The following NIT2 variants were observed in gnomAD, a reference collection of about 807,000 sequenced individuals.
NIT2 encodes the protein omega-amidase NIT2.
In NIT2, 46 loss-of-function variants were observed where a neutral mutation model predicts 42.7. The observed-to-expected ratio is 1.08, with a 90% CI of 0.85 to 1.38. The LOEUF (loss-of-function observed/expected upper bound fraction) is 1.38, where lower values mean the gene tolerates loss of function less well. Among genes scored for constraint, NIT2 ranks in the 40% most tolerant of loss-of-function variants. NIT2 has a pLI of 0.00. For missense variants in NIT2, 309 were observed against 342.5 expected, an observed-to-expected ratio of 0.90 and a Z score of 0.77; for synonymous variants, 123 against 121.9, an observed-to-expected ratio of 1.01 and a Z score of -0.06.
At chr3:100,336,907 T>C (rs1706082312) in intron 1 of NIT2, among the ~76,000 whole-genome samples, 1 of 152,184 alleles carries the variant, frequency 6.6e-6, no homozygotes, top group Non-Finnish European at 1.5e-5. Flanking sequence ...GTCAGGTCTT[T>C]CCCTTCCCAC....
Position 100,355,203 on chromosome 3 carries a change from C to T in NIT2, c.766C>T (p.Gln256Ter). ...CCTGAAGAAGCTGGCTGAAATACGC[C>T]AGCAAATCCCCGTTTTTAGACAGAA... is the stretch of plus-strand genomic sequence containing the variant. The part of the protein sequence containing the change: ...IDLKKLAEIR[Q>*]QIPVFRQKRS... Residue 256 changes from glutamine to a stop codon, truncating the protein, a stop_gained, in exon 10 of 10, where the codon CAG becomes TAG. Coordinates refer to ENST00000394140, the MANE Select transcript of NIT2 (RefSeq NM_020202.5). LOFTEE classifies it high-confidence loss of function. The T allele has an allele frequency of 1.2e-6, 2 of 1,614,030 alleles. No individual in the cohort carries two copies. Among genetic ancestry groups the T allele is most frequent in the Non-Finnish European group, 8.5e-7 (1 of 1,180,000 alleles).
intron 1 of NIT2, among the ~76,000 whole-genome samples, chr3:100,335,996 ATC>A (rs1483529585): frequency 6.6e-6 from 1 of 152,224 alleles, no homozygotes; most frequent in Non-Finnish European, 1.5e-5. Flanking sequence ...AGCTCAAAAT[ATC>A]TGTTTGCCCC....
rs552315902 is a variant in NIT2, at chr3:100,352,084, G to A, written c.585-320G>A. ...GATACCATCTCACACCAGTTAGAAT[G>A]GCAATCATTAAAAAGTCAGGAAACA... On this transcript the variant is annotated intron_variant, in intron 7 of 9. Coordinates refer to ENST00000394140, the MANE Select transcript of NIT2 (RefSeq NM_020202.5). 1.2e-3 allele frequency among the ~76,000 whole-genome samples: 183 copies of A among 152,298 alleles called. 1 individual carries two copies. Among genetic ancestry groups the A allele is most frequent in the African/African-American group, 4.3e-3 (177 of 41,570 alleles).
chr3:100,350,823 A>G (rs1337138341), intron 7 of NIT2, among the ~76,000 whole-genome samples: 1 of 152,166 alleles, frequency 6.6e-6, no homozygotes, highest in African/African-American at 2.4e-5. Context: ...GTCATTTAGC[A>G]TTAGGTATAT....
chr3:100,340,709 G>T (rs1245957634), intron 3 of NIT2, among the ~76,000 whole-genome samples: 1 of 152,104 alleles, frequency 6.6e-6, no homozygotes, highest in Non-Finnish European at 1.5e-5. Context: ...TTCTCATTTT[G>T]CCCTAATGTT....
Position 100,359,313 on chromosome 3 carries a change from T to C in NIT2, c.*4045T>C, listed in dbSNP as rs1244578727. On this transcript the variant is annotated 3_prime_UTR_variant, in exon 10 of 10. Coordinates refer to ENST00000394140, the MANE Select transcript of NIT2 (RefSeq NM_020202.5). ...CATCCTAGCTCTTCCTGAAGCATATTGAATCCTCCAAGTATATCCCGTTGT... is the reference window on the plus strand; with the variant it reads ...CATCCTAGCTCTTCCTGAAGCATATCGAATCCTCCAAGTATATCCCGTTGT... The C allele has an allele frequency of 6.6e-6, 1 of 152,212 alleles. No homozygotes were observed. Among genetic ancestry groups the C allele is most frequent in the Non-Finnish European group, 1.5e-5 (1 of 68,044 alleles). The allele number at this position is 152,212 out of a possible 1,614,324, so 9.4% of individuals were successfully genotyped here. A position where few individuals can be genotyped will look rare whatever the true frequency, so the allele number is the denominator to read the frequency against.
chr3:100,352,360 A>G (rs1706283251), intron 7 of NIT2, 44 bp from the exon 8 acceptor site: 2 of 1,480,708 alleles, frequency 1.4e-6, no homozygotes, highest in East Asian at 4.6e-5. Context: ...AAAATGTCAG[A>G]TTTATAATGT....
rs1159719118 is a variant in NIT2, at chr3:100,358,242, G to A, written c.*2974G>A. 1.3e-5 allele frequency: 2 copies of A among 152,094 alleles called. No homozygotes were observed. The highest frequency in any genetic ancestry group is 2.4e-5 in the African/African-American group (1 of 41,380). The allele number at this position is 152,094 out of a possible 1,614,324, so 9.4% of individuals were successfully genotyped here. On this transcript the variant is annotated 3_prime_UTR_variant, in exon 10 of 10. Coordinates refer to ENST00000394140, the MANE Select transcript of NIT2 (RefSeq NM_020202.5). ...AGCATTTTATTCTCAGAAAATGTGT[G>A]GTAACCTGGCCCTGGATTTTACCTT...
intron 8 of NIT2, 33 bp downstream of exon 8, chr3:100,352,535 G>GGAGCTT (rs778763385): frequency 1.3e-6 from 2 of 1,552,962 alleles, no homozygotes; most frequent in African/African-American, 1.4e-5. Flanking sequence ...AGGCTCAGTC[G>GGAGCTT]GAGCTTGAGC....
rs369507560 is a variant in NIT2, at chr3:100,352,380, C to G, written c.585-24C>G. 4.5e-6 allele frequency: 7 copies of G among 1,559,928 alleles called. No individual in the cohort carries two copies. In the Admixed American group the frequency reaches 1.0e-4, roughly 22 times the overall value. On this transcript the variant is annotated intron_variant, in intron 7 of 9. Coordinates refer to ENST00000394140, the MANE Select transcript of NIT2 (RefSeq NM_020202.5). ...GTCAGATTTATAATGTACGATTTAC[C>G]TCTTTCCTGTCTATTGACTACAGGG... is the stretch of plus-strand genomic sequence containing the variant.
At chr3:100,349,107 AC>A (rs1706247196) in intron 7 of NIT2, 12 of 316,756 alleles carry the variant, frequency 3.8e-5, no homozygotes, top group South Asian at 2.5e-4. Context: ...TGGAAACTGT[AC>A]TTTTTTTTTT....
chr3:100,345,522 T>A, intron 4 of NIT2, 63 bp from the exon 5 acceptor site: 3 of 1,109,700 alleles, frequency 2.7e-6, no homozygotes, highest in Non-Finnish European at 4.1e-6. Flanking sequence ...GGGAAAGATA[T>A]TGTCATTACT....
chr3:100,335,094 CA>C, intron 1 of NIT2: 1 of 460,194 alleles, frequency 2.2e-6, no homozygotes, highest in Non-Finnish European at 4.1e-6. Context: ...TGTATTTCTC[CA>C]CGGTGTGGGC....
chr3:100,352,534 C>A lies in NIT2; in HGVS notation c.683+32C>A. On this transcript the variant is annotated intron_variant, in intron 8 of 9. Coordinates refer to ENST00000394140, the MANE Select transcript of NIT2 (RefSeq NM_020202.5). ...AAGGCTAAGTGAGAATAGGCTCAGT[C>A]GGAGCTTGAGCTTGAGTGGTGGCTC... 3 of 1,564,346 alleles carry A rather than the reference C, an allele frequency of 1.9e-6. No homozygotes were observed. The South Asian group carries it at 3.3e-5, about 17-fold the overall frequency.
chr3:100,337,463 A>T lies in NIT2; in HGVS notation c.8-1624A>T, dbSNP rs571723117. On this transcript the variant is annotated intron_variant, in intron 1 of 9. Coordinates refer to ENST00000394140, the MANE Select transcript of NIT2 (RefSeq NM_020202.5). ...AGGAAAATTATTTATTTATTTATTT[A>T]TTTTTTTGGAGACTGAGTCTCACTC... Among the ~76,000 whole-genome samples the T allele has an allele frequency of 4.2e-4, 64 of 152,022 alleles. No individual in the cohort carries two copies. In the East Asian group the frequency reaches 5.8e-3, roughly 14 times the overall value.
Position 100,346,242 on chromosome 3 carries a change from C to T in NIT2, c.492C>T (p.Ile164=), listed in dbSNP as rs770433138. The change falls in exon 6 of 10, where the codon ATC becomes ATT. Residue 164 remains isoleucine (I), a synonymous_variant. Transcript: ENST00000394140. Reference sequence around the variant, plus strand: ...TGCGGTTTGCAGAGCTTGCACAAATCTACGCACAGAGAGGTGAGGCAGTGT... The same window carrying T: ...TGCGGTTTGCAGAGCTTGCACAAATTTACGCACAGAGAGGTGAGGCAGTGT... The part of the protein sequence containing the change: ...YDMRFAELAQ[I]YAQRGCQLLV... 3 of 1,614,060 alleles carry T rather than the reference C, an allele frequency of 1.9e-6. No homozygotes were observed. The highest frequency in any genetic ancestry group is 1.7e-6 in the Non-Finnish European group (2 of 1,179,938).
intron 2 of NIT2, 145 bp downstream of exon 2, chr3:100,339,350 A>T (rs1379619432): frequency 1.5e-6 from 1 of 678,906 alleles, no homozygotes; most frequent in Non-Finnish European, 2.7e-6. Flanking sequence ...CTGGAGGATG[A>T]CCTTAGCAAG....
intron 4 of NIT2, among the ~76,000 whole-genome samples, chr3:100,342,512 A>G (rs1301898201): frequency 1.4e-5 from 2 of 145,662 alleles, no homozygotes; most frequent in African/African-American, 5.0e-5. Flanking sequence ...TTAGTTATAC[A>G]TCTTAGCTTT....
chr3:100,339,789 T>C, intron 2 of NIT2, 26 bp from the exon 3 acceptor site: 1 of 1,596,302 alleles, frequency 6.3e-7, no homozygotes, highest in South Asian at 1.1e-5. Context: ...TTTGATCTTT[T>C]TTTTTCTCTG....
Sources: allele counts gnomAD v4.1 joint callset (sites outside exome capture counted in the v4.1 genomes callset), GRCh38; gene constraint gnomAD v4.1.1; transcripts MANE v1.5; gene names NCBI Gene and HGNC (gene_info 2026-07-23, HGNC 2026-07-21).